GTPBP1: variants seen among roughly 807,000 people sequenced by gnomAD.
GTPBP1 encodes the protein GTP binding protein 1.
In GTPBP1, 23 loss-of-function variants were observed where a neutral mutation model predicts 62.0. That is an observed-to-expected ratio of 0.37 (90% CI 0.27 to 0.53). GTPBP1 has a LOEUF of 0.53. Among genes scored for constraint, GTPBP1 ranks in the 20% least tolerant of loss-of-function variants. The pLI is 0.89. For missense variants in GTPBP1, 640 were observed against 917.3 expected, an observed-to-expected ratio of 0.70 and a Z score of 3.90; for synonymous variants, 344 against 364.4, an observed-to-expected ratio of 0.94 and a Z score of 0.64.
At chr22:38,707,630 A>G (rs2092612864) in intron 1 of GTPBP1, among the ~76,000 whole-genome samples, 3 of 152,260 alleles carry the variant, frequency 2.0e-5, no homozygotes, top group Admixed American at 6.5e-5. Context: ...CTGGATGTCA[A>G]CACATGGTCA....
chr22:38,740,740 G>GT, downstream of GTPBP1: 1 of 589,604 alleles, frequency 1.7e-6, no homozygotes, highest in South Asian at 2.1e-5. This position sits in a 1 kb window ranked among gnomAD's most constrained non-coding sequence, Gnocchi z 4.8. Context: ...ATGTGAGGCT[G>GT]TAAGAAAGGA....
chr22:38,739,291 G>T (rs551621045), downstream of GTPBP1: 114 of 1,579,530 alleles, frequency 7.2e-5, no homozygotes, highest in Middle Eastern at 1.7e-4. This position sits in a 1 kb window ranked among gnomAD's most constrained non-coding sequence, Gnocchi z 6.7. Flanking sequence ...CCAGGGGACC[G>T]GCCATTGCGG....
At chr22:38,738,323 C>T, downstream of GTPBP1, 2 of 1,440,192 alleles carry the variant, frequency 1.4e-6, no homozygotes, top group Non-Finnish European at 9.7e-7. This position sits in a 1 kb window ranked among gnomAD's most constrained non-coding sequence, Gnocchi z 6.6. Context: ...CACCCCTCCC[C>T]ACTCCAATCC....
downstream of GTPBP1, chr22:38,740,534 G>C (rs1193291451): frequency 1.1e-5 from 14 of 1,296,026 alleles, no homozygotes; most frequent in South Asian, 2.1e-4. This position sits in a 1 kb window ranked among gnomAD's most constrained non-coding sequence, Gnocchi z 4.8. Context: ...CGTCAGGAGA[G>C]CGGGTGCCCA....
At chr22:38,719,564 TC>T (rs994725996) in intron 4 of GTPBP1, among the ~76,000 whole-genome samples, 1 of 151,808 alleles carries the variant, frequency 6.6e-6, no homozygotes, top group African/African-American at 2.4e-5. Flanking sequence ...CCTTGGTGCC[TC>T]CCAAGGTGCT....
At chr22:38,738,211 C>A (rs549404842), downstream of GTPBP1, 6 of 1,613,956 alleles carry the variant, frequency 3.7e-6, no homozygotes, top group East Asian at 1.3e-4. This position sits in a 1 kb window ranked among gnomAD's most constrained non-coding sequence, Gnocchi z 6.6. Flanking sequence ...CCGTCCTGAT[C>A]GTAAGTGAAC....
At chr22:38,723,185 C>T (rs542567901) in intron 5 of GTPBP1, 41 of 894,804 alleles carry the variant, frequency 4.6e-5, no homozygotes, top group South Asian at 2.3e-4. Context: ...TGTAGGACCA[C>T]GAAGGTGAAA....
chr22:38,729,629 G>T lies in GTPBP1; in HGVS notation c.1884G>T (p.Gly628=), dbSNP rs141787823. The T allele has an allele frequency of 6.2e-5, 94 of 1,518,120 alleles. No homozygotes were observed. In the African/African-American group the frequency reaches 1.1e-3, roughly 18 times the overall value. 94.0% of individuals were successfully genotyped at this position (1,518,120 alleles called of 1,614,324 possible). The change falls in exon 11 of 12, where the codon GGG becomes GGT. Residue 628 remains glycine, a synonymous_variant. Coordinates refer to ENST00000216044, the MANE Select transcript of GTPBP1 (RefSeq NM_004286.5). ...PGDEASSVGA[G]QPAASSNLQP... ...ATGAAGCCTCCTCTGTAGGGGCAGG[G>T]CAACCAGCTGCGTCCAGCAATCTCC...
At chr22:38,725,827 G>A in intron 6 of GTPBP1, 179 bp from the exon 7 acceptor site, 3 of 633,326 alleles carry the variant, frequency 4.7e-6, no homozygotes, top group Non-Finnish European at 5.6e-6. Flanking sequence ...GGCTGGCCAG[G>A]AGCTTGCTAG....
chr22:38,725,891 T>A, intron 6 of GTPBP1, 115 bp from the exon 7 acceptor site: 1 of 939,924 alleles, frequency 1.1e-6, no homozygotes, highest in Admixed American at 1.8e-5. Context: ...GGTGGAGTCA[T>A]GAATAGTGGC....
At chr22:38,737,839 C>A (rs958108553), downstream of GTPBP1, 1 of 517,680 alleles carries the variant, frequency 1.9e-6, no homozygotes, top group Non-Finnish European at 3.8e-6. This position sits in a 1 kb window ranked among gnomAD's most constrained non-coding sequence, Gnocchi z 4.1. Context: ...TGGTAGAATG[C>A]CCGCGCCCTG....
chr22:38,717,125 T>C (rs971895569), intron 4 of GTPBP1, 125 bp downstream of exon 4: 1 of 635,352 alleles, frequency 1.6e-6, no homozygotes, highest in Non-Finnish European at 2.8e-6. Context: ...CGGGTGAGGC[T>C]GGCGAGTTTT....
chr22:38,737,759 A>G (rs1358667694), downstream of GTPBP1: 5 of 376,576 alleles, frequency 1.3e-5, no homozygotes, highest in Non-Finnish European at 2.1e-5. The surrounding 1 kb of genome is among the most constrained non-coding windows in gnomAD (Gnocchi z 4.1). Context: ...CTGCATTTCT[A>G]ACTGACTTAG....
At position 38,724,579 on chromosome 22, in the gene GTPBP1, C is replaced by T. The variant is rs114045278; in HGVS notation, c.1073+168C>T. On this transcript the variant is annotated intron_variant, in intron 6 of 11. Coordinates refer to ENST00000216044, the MANE Select transcript of GTPBP1 (RefSeq NM_004286.5). ...AGGAAATAGAAGCTTCCAATCTTAGCGCAGGGTCTCCCAAGCCAGCATTGT... is the reference window on the plus strand; with the variant it reads ...AGGAAATAGAAGCTTCCAATCTTAGTGCAGGGTCTCCCAAGCCAGCATTGT... Among the ~76,000 whole-genome samples, 114 of 152,250 alleles carry T rather than the reference C, an allele frequency of 7.5e-4. 1 individual carries two copies. Among genetic ancestry groups the T allele is most frequent in the African/African-American group, 2.5e-3 (105 of 41,550 alleles).
At chr22:38,739,724 CCT>C, downstream of GTPBP1, 2 of 1,613,364 alleles carry the variant, frequency 1.2e-6, no homozygotes, top group Non-Finnish European at 1.7e-6. The surrounding 1 kb of genome is among the most constrained non-coding windows in gnomAD (Gnocchi z 6.7). Context: ...GGCCTCACCT[CCT>C]CTGTCACTCC....
intron 2 of GTPBP1, 49 bp downstream of exon 2, chr22:38,709,005 G>A (rs1179725077): frequency 8.6e-7 from 1 of 1,167,722 alleles, no homozygotes; most frequent in South Asian, 1.2e-5. Flanking sequence ...ATTGGGCCGG[G>A]TGCGGTGGCC....
chr22:38,710,902 A>C (rs570790696), intron 2 of GTPBP1, among the ~76,000 whole-genome samples: 84 of 152,010 alleles, frequency 5.5e-4, no homozygotes, highest in African/African-American at 1.9e-3. Flanking sequence ...CAATTAACCC[A>C]CCCATGGCAA....
intron 6 of GTPBP1, 119 bp downstream of exon 6, chr22:38,724,530 C>T (rs2092717052): frequency 3.1e-6 from 2 of 648,274 alleles, no homozygotes; most frequent in East Asian, 5.5e-5. Context: ...ACCACATCAA[C>T]ACCTCTCCCT....
intron 5 of GTPBP1, chr22:38,723,309 C>T (rs1222173077): frequency 2.1e-5 from 18 of 851,418 alleles, no homozygotes; most frequent in South Asian, 6.6e-5. Context: ...GCATGCTGGG[C>T]GACAGCAGGT....
Sources: allele counts gnomAD v4.1 joint callset (sites outside exome capture counted in the v4.1 genomes callset), GRCh38; gene constraint gnomAD v4.1.1; non-coding constraint Gnocchi (gnomAD v3.1); transcripts MANE v1.5; gene names NCBI Gene and HGNC (gene_info 2026-07-23, HGNC 2026-07-21).